MARCHF1: variants seen among roughly 807,000 people sequenced by gnomAD.
MARCHF1 encodes E3 ubiquitin-protein ligase MARCHF1.
MARCHF1 carries 40 observed loss-of-function variants against 54.2 expected under a neutral mutation model. That is an observed-to-expected ratio of 0.74 (90% CI 0.57 to 0.96). MARCHF1 has a LOEUF of 0.96. MARCHF1 is among the 40% of genes least tolerant of loss of function. The pLI, the probability that MARCHF1 is intolerant of heterozygous loss-of-function variation, is 0.00. For missense variants in MARCHF1, 586 were observed against 656.5 expected, an observed-to-expected ratio of 0.89 and a Z score of 1.17; for synonymous variants, 236 against 236.3, an observed-to-expected ratio of 1.00 and a Z score of 0.01.
intron 2 of MARCHF1, among the ~76,000 whole-genome samples, chr4:164,049,685 T>G (rs79721873): frequency 3.5e-4 from 53 of 152,306 alleles, no homozygotes; most frequent in Admixed American, 2.5e-3. Context: ...TATCATTTTT[T>G]CTTATAAACT....
chr4:164,181,139 T>C (rs1044302070), intron 1 of MARCHF1, among the ~76,000 whole-genome samples: 2 of 152,132 alleles, frequency 1.3e-5, no homozygotes, highest in African/African-American at 4.8e-5. Flanking sequence ...TTTAGCCACC[T>C]AAGCCTTCTT....
intron 1 of MARCHF1, among the ~76,000 whole-genome samples, chr4:164,155,606 C>T (rs945853904): frequency 1.3e-5 from 2 of 152,014 alleles, no homozygotes; most frequent in African/African-American, 2.4e-5. Flanking sequence ...CACATGTTCT[C>T]ACTTACAAGT....
chr4:163,672,169 T>A (rs1262710441), intron 5 of MARCHF1, among the ~76,000 whole-genome samples: 2 of 152,222 alleles, frequency 1.3e-5, no homozygotes, highest in Admixed American at 6.5e-5. Context: ...TTACTTTATC[T>A]ATAAAATTGG....
At chr4:164,079,664 C>T (rs1240349005) in intron 2 of MARCHF1, among the ~76,000 whole-genome samples, 1 of 152,004 alleles carries the variant, frequency 6.6e-6, no homozygotes, top group Admixed American at 6.6e-5. Flanking sequence ...GGTATTTATA[C>T]TCATTCTTAA....
At chr4:163,811,373 G>A (rs1748380950) in intron 4 of MARCHF1, among the ~76,000 whole-genome samples, 1 of 151,976 alleles carries the variant, frequency 6.6e-6, no homozygotes, top group African/African-American at 2.4e-5. Context: ...TTGTCTTAAG[G>A]AAACCAAAAC....
At chr4:163,619,445 A>G (rs998739038) in intron 5 of MARCHF1, among the ~76,000 whole-genome samples, 4 of 152,178 alleles carry the variant, frequency 2.6e-5, no homozygotes, top group African/African-American at 7.2e-5. Flanking sequence ...AGGGGAAAAG[A>G]TTCAGGAAAA....
chr4:164,073,397 G>A (rs13103549), intron 2 of MARCHF1, among the ~76,000 whole-genome samples: 1 of 152,060 alleles, frequency 6.6e-6, no homozygotes, highest in Admixed American at 6.5e-5. Flanking sequence ...AACACAAGAA[G>A]AGAAAACCAA....
At chr4:163,880,721 A>G (rs1233973594) in intron 3 of MARCHF1, among the ~76,000 whole-genome samples, 1 of 152,192 alleles carries the variant, frequency 6.6e-6, no homozygotes, top group East Asian at 1.9e-4. Flanking sequence ...AGTAATTAAC[A>G]TATTCATAAA....
chr4:164,292,885 G>A (rs1174190141), intron 1 of MARCHF1, among the ~76,000 whole-genome samples: 2 of 152,110 alleles, frequency 1.3e-5, no homozygotes, highest in African/African-American at 4.8e-5. Flanking sequence ...CTACAGGTTG[G>A]TATATCAACG....
chr4:163,678,173 A>G (rs996627607), intron 5 of MARCHF1, among the ~76,000 whole-genome samples: 3 of 152,200 alleles, frequency 2.0e-5, no homozygotes, highest in African/African-American at 7.2e-5. Context: ...CTTATACTAA[A>G]ACATGGGTGT....
intron 1 of MARCHF1, among the ~76,000 whole-genome samples, chr4:164,140,257 A>ATATATATAT (rs1560922636): frequency 6.6e-6 from 1 of 151,150 alleles, no homozygotes; most frequent in Non-Finnish European, 1.5e-5. Flanking sequence ...ATATATATAT[A>ATATATATAT]AATGAAACTG....
chr4:164,357,160 A>G (rs1730580582), intron 1 of MARCHF1, among the ~76,000 whole-genome samples: 1 of 152,244 alleles, frequency 6.6e-6, no homozygotes, highest in South Asian at 2.1e-4. Flanking sequence ...TTAAAACAAC[A>G]CAAATGCATT....
At chr4:163,744,644 C>T (rs58142817) in intron 4 of MARCHF1, among the ~76,000 whole-genome samples, 3,198 of 152,232 alleles carry the variant, frequency 0.021, 102 homozygotes, top group African/African-American at 0.065. Context: ...CTTAATCGTG[C>T]ATTGCTTACA....
Position 164,017,881 on chromosome 4 carries a change from C to T in MARCHF1, c.-247-29172G>A, listed in dbSNP as rs79935627. On this transcript the variant is annotated intron_variant, in intron 2 of 9. Transcript: ENST00000514618. The stretch of plus-strand genomic sequence containing the variant: ...AAAAAGATCAAAGTTGAGGAACATG[C>T]ATTATCAGGTTTCAAGATTTTATAA... Among the ~76,000 whole-genome samples the T allele has an allele frequency of 8.8e-3, 1,300 of 147,474 alleles. 20 individuals carry two copies. Among genetic ancestry groups the T allele is most frequent in the African/African-American group, 0.03 (1,205 of 40,426 alleles).
chr4:163,886,152 G>C (rs963030399), intron 3 of MARCHF1, among the ~76,000 whole-genome samples: 1 of 148,856 alleles, frequency 6.7e-6, no homozygotes, highest in Admixed American at 6.7e-5. Context: ...TAAATATGTA[G>C]ATCTATAAAT....
chr4:163,749,600 T>C (rs150826882), intron 4 of MARCHF1, among the ~76,000 whole-genome samples: 2 of 152,296 alleles, frequency 1.3e-5, no homozygotes, highest in African/African-American at 4.8e-5. Context: ...ATATCTCTTT[T>C]CTATTCCTAG....
chr4:164,144,291 G>T (rs1456796950), intron 1 of MARCHF1, among the ~76,000 whole-genome samples: 1 of 151,776 alleles, frequency 6.6e-6, no homozygotes, highest in South Asian at 2.1e-4. Flanking sequence ...GGATACCCAG[G>T]AATTGAACTC....
At chr4:163,702,467 T>C (rs1190540929) in intron 4 of MARCHF1, among the ~76,000 whole-genome samples, 1 of 152,220 alleles carries the variant, frequency 6.6e-6, no homozygotes, top group Non-Finnish European at 1.5e-5. Flanking sequence ...TTGTTATGTT[T>C]TCTATATTTA....
chr4:163,776,568 T>C (rs1202539029), intron 4 of MARCHF1, among the ~76,000 whole-genome samples: 1 of 152,116 alleles, frequency 6.6e-6, no homozygotes, highest in Non-Finnish European at 1.5e-5. Flanking sequence ...GGTAATATAC[T>C]TGGTTGGTCT....
Sources: allele counts gnomAD v4.1 joint callset (sites outside exome capture counted in the v4.1 genomes callset), GRCh38; gene constraint gnomAD v4.1.1; transcripts MANE v1.5; gene names NCBI Gene and HGNC (gene_info 2026-07-23, HGNC 2026-07-21).